Variants in RRP7A observed in about 807,000 individuals in gnomAD.
RRP7A encodes ribosomal RNA-processing protein 7 homolog A.
In RRP7A, 27 loss-of-function variants were observed where a neutral mutation model predicts 38.4. The observed-to-expected ratio is 0.70, with a 90% confidence interval of 0.52 to 0.97. RRP7A has a LOEUF of 0.97. Ranked by LOEUF, RRP7A falls within the 50% of genes least tolerant of loss-of-function variation. RRP7A has a pLI of 0.00. For synonymous variants in RRP7A, 124 were observed against 150.3 expected, an observed-to-expected ratio of 0.83 and a Z score of 1.28; for missense variants, 327 against 375.4, an observed-to-expected ratio of 0.87 and a Z score of 1.07.
At position 42,519,758 on chromosome 22, in the gene RRP7A, G is replaced by A. The variant is rs749715146; in HGVS notation, c.29C>T (p.Ala10Val). The A allele has an allele frequency of 6.9e-7, 1 of 1,453,270 alleles. No homozygotes were observed. The highest frequency in any genetic ancestry group is 9.1e-7 in the Non-Finnish European group (1 of 1,104,694). 90.0% of individuals were successfully genotyped at this position (1,453,270 alleles called of 1,614,324 possible). The change falls in exon 1 of 7, where the codon GCG becomes GTG. Residue 10 changes from alanine to valine, a missense_variant. Ala to Val is a moderately conservative substitution (Grantham distance 64). This residue lies in a region of RRP7A where 183 missense variants were observed against 141.8 expected (regional missense o/e 1.29). Transcript: ENST00000323013. MVARRRKCA[A>V]RDPEDRIPSP... is the part of the protein sequence containing the mutation. ...GGGGATACGGTCCTCCGGGTCCCGC[G>A]CGGCGCACTTCCTCCTGCGCGCCAC...
intron 6 of RRP7A, among the ~76,000 whole-genome samples, chr22:42,513,883 T>C (rs1368228218): frequency 2.0e-5 from 3 of 152,094 alleles, no homozygotes; most frequent in African/African-American, 7.2e-5. Context: ...CCCCACCCAC[T>C]GAGCAAATGC....
In RRP7A at chr22:42,509,159, G is replaced by A. The variant is rs55732408; in HGVS notation, c.*3751C>T. ...AGTCACCCCCCAAGGAGACATGGGC[G>A]CCAGGAATCTCTGGGAGGGGGCCCT... is the stretch of plus-strand genomic sequence containing the variant. On this transcript the variant is annotated 3_prime_UTR_variant, in exon 7 of 7. Transcript: ENST00000323013. 206,404 of 1,608,928 alleles carry A rather than the reference G, an allele frequency of 0.13. 14,979 individuals carry two copies. Among genetic ancestry groups the A allele is most frequent in the Admixed American group, 0.22 (13,350 of 59,424 alleles).
At position 42,508,931 on chromosome 22, in the gene RRP7A, C is replaced by G; in HGVS notation, c.*3979G>C. 6.4e-7 allele frequency: 1 copy of G among 1,571,422 alleles called. No individual in the cohort carries two copies. Among genetic ancestry groups the G allele is most frequent in the Non-Finnish European group, 8.7e-7 (1 of 1,152,716 alleles). ...ACCCAGGGTGGGTGGCTAAGGTGCC[C>G]TCGCCAGGGCTTAGCCACCCCAACA... On this transcript the variant is annotated 3_prime_UTR_variant, in exon 7 of 7. Coordinates refer to ENST00000323013, the MANE Select transcript of RRP7A (RefSeq NM_015703.5).
At position 42,512,171 on chromosome 22, in the gene RRP7A, C is replaced by G. The variant is rs371137327; in HGVS notation, c.*739G>C. 110 of 1,601,990 alleles carry G rather than the reference C, an allele frequency of 6.9e-5. No individual in the cohort carries two copies. The African/African-American group carries it at 1.3e-3, about 19-fold the overall frequency. On this transcript the variant is annotated 3_prime_UTR_variant, in exon 7 of 7. Coordinates refer to ENST00000323013, the MANE Select transcript of RRP7A (RefSeq NM_015703.5). The stretch of plus-strand genomic sequence containing the variant: ...ATCACTGTGTCCACATGAGCGAACC[C>G]CAGCACGTGGCCAGTATCATCAGCT...
chr22:42,509,717 G>T lies in RRP7A; in HGVS notation c.*3193C>A, dbSNP rs149334753. Among the ~76,000 whole-genome samples, 380 of 151,926 alleles carry T rather than the reference G, an allele frequency of 2.5e-3. 3 individuals carry two copies. The highest frequency in any genetic ancestry group is 4.0e-3 in the Non-Finnish European group (274 of 67,958). On this transcript the variant is annotated 3_prime_UTR_variant, in exon 7 of 7. Transcript: ENST00000323013. ...GAGCCTTGAAAACATCGCACTAAGT[G>T]GATGAAGTCAGACACAACCGTCTAC...
At position 42,512,169 on chromosome 22, in the gene RRP7A, C is replaced by T. The variant is rs1292344316; in HGVS notation, c.*741G>A. On this transcript the variant is annotated 3_prime_UTR_variant, in exon 7 of 7. Transcript: ENST00000323013. ...CAATCACTGTGTCCACATGAGCGAA[C>T]CCCAGCACGTGGCCAGTATCATCAG... The T allele has an allele frequency of 1.3e-5, 21 of 1,593,202 alleles. No individual in the cohort carries two copies. The highest frequency in any genetic ancestry group is 1.2e-4 in the Admixed American group (7 of 59,734).
At chr22:42,519,438 G>A (rs978691419) in intron 1 of RRP7A, among the ~76,000 whole-genome samples, 11 of 152,306 alleles carry the variant, frequency 7.2e-5, no homozygotes, top group African/African-American at 2.6e-4. Context: ...GGACGGAAAT[G>A]GGTTTGTCCT....
rs751290966 is a variant in RRP7A, at chr22:42,518,045, C to G, written c.176G>C (p.Arg59Thr). 1 of 1,613,830 alleles carries G rather than the reference C, an allele frequency of 6.2e-7. No individual in the cohort carries two copies. The highest frequency in any genetic ancestry group is 1.3e-5 in the African/African-American group (1 of 74,926). Residue 59 changes from arginine (R) to threonine (T), a missense_variant, in exon 2 of 7, where the codon AGG becomes ACG. By Grantham distance (71) the Arg-to-Thr change is moderately conservative (BLOSUM62 -1). Transcript: ENST00000323013. The stretch of plus-strand genomic sequence containing the variant: ...GGGCACATTGAGGACAAAAAGAGTC[C>G]TCTTCTGAGGCCAGGTGGACTTGGT... ...QGTKSTWPQKRTLFVLNVPPY... is the reference protein window; with the variant it reads ...QGTKSTWPQKTTLFVLNVPPY...
chr22:42,511,199 TG>T lies in RRP7A; in HGVS notation c.*1710del. ...TCACACTTTTTTTTTTTTTTTGAGA[TG>T]GAGTCTCACTCTGTCGCTCAGGCTG... On this transcript the variant is annotated 3_prime_UTR_variant, in exon 7 of 7. Transcript: ENST00000323013. 6.6e-6 allele frequency: 1 copy of T among 151,020 alleles called. No homozygotes were observed. Among genetic ancestry groups the T allele is most frequent in the African/African-American group, 2.5e-5 (1 of 40,732 alleles). The allele number at this position is 151,020 out of a possible 1,614,324, so 9.4% of individuals were successfully genotyped here. A position where few individuals can be genotyped will look rare whatever the true frequency, so the allele number is the denominator to read the frequency against.
chr22:42,516,464 C>T (rs764379712), intron 2 of RRP7A: 5 of 396,492 alleles, frequency 1.3e-5, no homozygotes, highest in South Asian at 9.7e-5. Context: ...CGCCCACCAC[C>T]ACCACACGTG....
At chr22:42,517,579 G>T (rs374720897) in intron 2 of RRP7A, among the ~76,000 whole-genome samples, 1 of 151,990 alleles carries the variant, frequency 6.6e-6, no homozygotes, top group Admixed American at 6.6e-5. Context: ...GAGTGCAGTG[G>T]CGCGATCTTG....
At chr22:42,513,075 C>T in intron 6 of RRP7A, 80 bp from the exon 7 acceptor site, 2 of 1,182,298 alleles carry the variant, frequency 1.7e-6, no homozygotes, top group South Asian at 1.2e-5. Flanking sequence ...CACCCCTCCT[C>T]CCAGTTACTG....
At chr22:42,516,402 G>C in intron 2 of RRP7A, 1 of 500,012 alleles carries the variant, frequency 2.0e-6, no homozygotes, top group South Asian at 1.6e-5. Flanking sequence ...CTCCACCTTC[G>C]GGTTGCAAGT....
chr22:42,516,617 C>G (rs1920930454), intron 2 of RRP7A, among the ~76,000 whole-genome samples: 1 of 152,214 alleles, frequency 6.6e-6, no homozygotes, highest in Non-Finnish European at 1.5e-5. Flanking sequence ...CCGGCATATT[C>G]CTGCTCTCTC....
At chr22:42,516,170 T>G (rs377759831) in intron 2 of RRP7A, 34 bp from the exon 3 acceptor site, 54 of 1,609,810 alleles carry the variant, frequency 3.4e-5, no homozygotes, top group East Asian at 1.3e-4. Context: ...AGTGTGAGCA[T>G]CCGCAGGGCC....
At chr22:42,514,814 T>A in intron 4 of RRP7A, 35 bp from the exon 5 acceptor site, 1 of 1,527,764 alleles carries the variant, frequency 6.5e-7, no homozygotes, top group South Asian at 1.2e-5. Context: ...CGGGGCTTCC[T>A]CAGGCCTGGC....
intron 1 of RRP7A, chr22:42,518,766 C>T (rs1278403638): frequency 2.1e-6 from 1 of 470,778 alleles, no homozygotes. Context: ...CGCTGGCACA[C>T]CCATGACTGT....
rs1465351560 is a variant in RRP7A at position 42,516,057 on chromosome 22, C to G, written c.296G>C (p.Ser99Thr). The G allele has an allele frequency of 6.2e-7, 1 of 1,612,222 alleles. No homozygotes were observed. The highest frequency in any genetic ancestry group is 1.1e-5 in the South Asian group (1 of 90,920). Reference sequence around the variant, plus strand: ...AAACTTCGACCTTGACTCCTTTGGGCTCTCAGCCAGGTCCGGCTTCTCCTG... The same window carrying G: ...AAACTTCGACCTTGACTCCTTTGGGGTCTCAGCCAGGTCCGGCTTCTCCTG... ...ELQEKPDLAESPKESRSKFFH... is the reference protein window; with the variant it reads ...ELQEKPDLAETPKESRSKFFH... The change falls in exon 3 of 7, where the codon AGC becomes ACC. Residue 99 changes from serine to threonine, a missense_variant. This residue lies in a region of RRP7A where 183 missense variants were observed against 141.8 expected (regional missense o/e 1.29). Transcript: ENST00000323013.
chr22:42,509,249 A>C lies in RRP7A; in HGVS notation c.*3661T>G. Reference sequence around the variant, plus strand: ...CTAAGACTCAAGATCTTTTTTGGGAAGCCCCCCTGGCAGCAGGGTCATGGA... The same window carrying C: ...CTAAGACTCAAGATCTTTTTTGGGACGCCCCCCTGGCAGCAGGGTCATGGA... On this transcript the variant is annotated 3_prime_UTR_variant, in exon 7 of 7. Transcript: ENST00000323013. 2.0e-6 allele frequency: 3 copies of C among 1,501,154 alleles called. No individual in the cohort carries two copies. Among genetic ancestry groups the C allele is most frequent in the South Asian group, 2.5e-5 (2 of 79,146 alleles). 93.0% of individuals were successfully genotyped at this position (1,501,154 alleles called of 1,614,324 possible). A position where few individuals can be genotyped will look rare whatever the true frequency, so the allele number is the denominator to read the frequency against.
Sources: allele counts gnomAD v4.1 joint callset (sites outside exome capture counted in the v4.1 genomes callset), GRCh38; gene constraint gnomAD v4.1.1; regional missense constraint gnomAD v4.1.1; transcripts MANE v1.5; gene names NCBI Gene and HGNC (gene_info 2026-07-23, HGNC 2026-07-21).